SLC24A3: variants seen among roughly 807,000 people sequenced by gnomAD.
The protein encoded by SLC24A3 is solute carrier family 24 member 3, also known as sodium/potassium/calcium exchanger 3.
In SLC24A3, 28 loss-of-function variants were observed where a neutral mutation model predicts 75.8. The ratio of observed to expected loss-of-function variants is 0.37; its 90% CI spans 0.27 to 0.51. SLC24A3 has a LOEUF of 0.51. SLC24A3 is among the 20% of genes least tolerant of loss of function. The probability of loss-of-function intolerance (pLI) is 0.94; values close to 1 mark genes in which losing one functional copy is unlikely to be tolerated. For synonymous variants in SLC24A3, 372 were observed against 334.1 expected, an observed-to-expected ratio of 1.11 and a Z score of -1.24; for missense variants, 663 against 847.8, an observed-to-expected ratio of 0.78 and a Z score of 2.71.
chr20:19,424,745 C>CAAAAAAAAAAAAAAAAAAAA (rs528342351), intron 2 of SLC24A3, among the ~76,000 whole-genome samples: 4 of 49,144 alleles, frequency 8.1e-5, no homozygotes, highest in Admixed American at 2.7e-4. Context: ...AAAACAACAA[C>CAAAAAAAAAAAAAAAAAAAA]AAAAAAAAAA....
At chr20:19,434,242 A>G (rs905009846) in intron 2 of SLC24A3, among the ~76,000 whole-genome samples, 3 of 152,198 alleles carry the variant, frequency 2.0e-5, no homozygotes, top group African/African-American at 7.2e-5. Flanking sequence ...GGAACCGCTG[A>G]ACTGTATTCT....
chr20:19,248,315 G>C (rs554430456), intron 1 of SLC24A3, among the ~76,000 whole-genome samples: 4 of 152,272 alleles, frequency 2.6e-5, no homozygotes, highest in Non-Finnish European at 4.4e-5. Context: ...GTACAGAATT[G>C]TAAACATTAC....
chr20:19,545,754 C>T (rs983409768), intron 3 of SLC24A3, among the ~76,000 whole-genome samples: 22 of 151,820 alleles, frequency 1.4e-4, no homozygotes, highest in Non-Finnish European at 5.9e-5. Flanking sequence ...CCAGAGGAGT[C>T]AAAGAACAGT....
chr20:19,471,582 A>G (rs976401880), intron 2 of SLC24A3, among the ~76,000 whole-genome samples: 1 of 152,154 alleles, frequency 6.6e-6, no homozygotes, highest in African/African-American at 2.4e-5. Flanking sequence ...ATAATGGCCA[A>G]TGTCAAGACA....
chr20:19,612,607 A>AATGTGT (rs144660193), intron 6 of SLC24A3, among the ~76,000 whole-genome samples: 1 of 146,832 alleles, frequency 6.8e-6, no homozygotes, highest in South Asian at 2.2e-4. Context: ...CCTTAAGAAA[A>AATGTGT]GTGTGTGTGT....
At chr20:19,702,055 AG>A (rs2032881240) in intron 15 of SLC24A3, among the ~76,000 whole-genome samples, 1 of 152,206 alleles carries the variant, frequency 6.6e-6, no homozygotes, top group Non-Finnish European at 1.5e-5. Context: ...TCACCCCAGA[AG>A]CAAACCAGTT....
intron 2 of SLC24A3, among the ~76,000 whole-genome samples, chr20:19,393,719 A>G (rs1450251421): frequency 1.3e-5 from 2 of 152,204 alleles, no homozygotes; most frequent in African/African-American, 4.8e-5. Flanking sequence ...AAAAATGTAA[A>G]TAGATGAAAA....
rs1984856305 is a variant in SLC24A3 at position 19,326,172 on chromosome 20, A to T, written c.271+45085A>T. On this transcript the variant is annotated intron_variant, in intron 2 of 16. Coordinates refer to ENST00000328041, the MANE Select transcript of SLC24A3 (RefSeq NM_020689.4). Reference sequence around the variant, plus strand: ...GGCATCCAGGGCCTGTAAGCAACAGATGGGGTATGCAAAGGGGGTAGTGCT... The same window carrying T: ...GGCATCCAGGGCCTGTAAGCAACAGTTGGGGTATGCAAAGGGGGTAGTGCT... 2.6e-5 allele frequency among the ~76,000 whole-genome samples: 4 copies of T among 151,878 alleles called. 1 individual carries two copies. The South Asian group carries it at 8.3e-4, about 32-fold the overall frequency.
intron 13 of SLC24A3, 101 bp downstream of exon 13, chr20:19,693,526 T>C (rs2032771597): frequency 7.0e-7 from 1 of 1,436,530 alleles, no homozygotes; most frequent in Admixed American, 2.4e-5. Flanking sequence ...TAGTCAGCTA[T>C]TGCTACAATA....
intron 7 of SLC24A3, among the ~76,000 whole-genome samples, chr20:19,656,573 A>C (rs2032269424): frequency 6.6e-6 from 1 of 152,174 alleles, no homozygotes; most frequent in Non-Finnish European, 1.5e-5. Context: ...GACTGTGTGC[A>C]CTCTGCTCTT....
intron 2 of SLC24A3, among the ~76,000 whole-genome samples, chr20:19,322,365 C>CCCTTCCTTCCTT (rs59240769): frequency 2.0e-3 from 162 of 80,056 alleles, no homozygotes; most frequent in Middle Eastern, 7.8e-3. Context: ...TTCCTTCCTT[C>CCCTTCCTTCCTT]CCTTCCTTCC....
At chr20:19,582,989 G>C (rs2031240156) in intron 4 of SLC24A3, among the ~76,000 whole-genome samples, 3 of 152,124 alleles carry the variant, frequency 2.0e-5, no homozygotes, top group Admixed American at 2.0e-4. Context: ...GTGACAATAG[G>C]TCTGGAACAC....
intron 6 of SLC24A3, among the ~76,000 whole-genome samples, chr20:19,609,557 TC>T (rs2031643826): frequency 6.6e-6 from 1 of 152,134 alleles, no homozygotes; most frequent in South Asian, 2.1e-4. Flanking sequence ...CCTAATGCTC[TC>T]CCTCCCCTTG....
At chr20:19,264,943 G>A (rs1876990542) in intron 1 of SLC24A3, among the ~76,000 whole-genome samples, 1 of 152,092 alleles carries the variant, frequency 6.6e-6, no homozygotes, top group Admixed American at 6.6e-5. Context: ...GTTTATATAT[G>A]CTTTTCCCCT....
chr20:19,663,081 T>C (rs1351028511), intron 7 of SLC24A3, among the ~76,000 whole-genome samples: 3 of 152,104 alleles, frequency 2.0e-5, no homozygotes, highest in African/African-American at 7.2e-5. Context: ...GTTTAGAGTT[T>C]TTTTAGAGAC....
chr20:19,400,491 G>A (rs983867768), intron 2 of SLC24A3, among the ~76,000 whole-genome samples: 4 of 152,086 alleles, frequency 2.6e-5, no homozygotes, highest in African/African-American at 7.2e-5. Context: ...TGTGAGTGCC[G>A]GGCGCTGTGA....
At chr20:19,664,036 C>T (rs1439474993) in intron 7 of SLC24A3, among the ~76,000 whole-genome samples, 2 of 152,154 alleles carry the variant, frequency 1.3e-5, no homozygotes, top group Non-Finnish European at 2.9e-5. Context: ...TTATTGCCTG[C>T]CTTCCCTGAT....
chr20:19,694,726 T>G (rs1006356359), intron 13 of SLC24A3: 4 of 152,214 alleles, frequency 2.6e-5, no homozygotes, highest in African/African-American at 9.7e-5. Flanking sequence ...TTGCTTCCTT[T>G]TCCTCCAGTG....
At chr20:19,577,874 G>C (rs938803092) in intron 3 of SLC24A3, among the ~76,000 whole-genome samples, 11 of 152,144 alleles carry the variant, frequency 7.2e-5, no homozygotes, top group African/African-American at 2.7e-4. Context: ...TGCTAGGTTT[G>C]ATAACTTATT....
Sources: allele counts gnomAD v4.1 joint callset (sites outside exome capture counted in the v4.1 genomes callset), GRCh38; gene constraint gnomAD v4.1.1; transcripts MANE v1.5; gene names NCBI Gene and HGNC (gene_info 2026-07-23, HGNC 2026-07-21).